The following DOCK11 variants were observed in gnomAD, a reference collection of about 807,000 sequenced individuals.
DOCK11 encodes the protein dedicator of cytokinesis 11.
DOCK11 carries 70 observed loss-of-function variants against 169.1 expected under a neutral mutation model. That is an observed-to-expected ratio of 0.41 (90% confidence interval 0.34 to 0.51). The LOEUF (loss-of-function observed/expected upper bound fraction) is 0.51. Among genes scored for constraint, DOCK11 ranks in the 20% least tolerant of loss-of-function variants. DOCK11 has a pLI of 0.10. For missense variants in DOCK11, 1,166 were observed against 1,538.8 expected (o/e 0.76, Z 4.05); for synonymous variants, 529 against 541.3 (o/e 0.98, Z 0.32).
chrX:118,532,062 A>G (rs972799945), intron 1 of DOCK11, among the ~76,000 whole-genome samples: 1 of 109,609 alleles, frequency 9.1e-6, no homozygotes, highest in East Asian at 2.8e-4. Context: ...AAAGAAGAAT[A>G]TAAAGATTAT....
intron 18 of DOCK11, among the ~76,000 whole-genome samples, chrX:118,589,669 C>G (rs1569424013): frequency 8.9e-6 from 1 of 111,928 alleles, no homozygotes. Flanking sequence ...TAAAATGTGG[C>G]TCATAAAGTG....
chrX:118,499,718 C>T (rs578092635), intron 1 of DOCK11, among the ~76,000 whole-genome samples: 3 of 112,224 alleles, frequency 2.7e-5, no homozygotes, highest in Non-Finnish European at 5.6e-5. Context: ...TCAACTTGGG[C>T]TTCTTGACCA....
At chrX:118,543,465 T>C in intron 3 of DOCK11, 46 bp from the exon 4 acceptor site, 5 of 1,047,609 alleles carry the variant, frequency 4.8e-6, no homozygotes, top group Non-Finnish European at 6.7e-6. Flanking sequence ...TGGATATATA[T>C]GTACTTTTCC....
At chrX:118,539,355 T>C (rs1350399647) in intron 1 of DOCK11, among the ~76,000 whole-genome samples, 1 of 111,603 alleles carries the variant, frequency 9.0e-6, no homozygotes, top group Non-Finnish European at 1.9e-5. Context: ...AAATACTGCA[T>C]GATCTCACTT....
In DOCK11 at chrX:118,662,642, T is replaced by G. The variant is rs1310047416; in HGVS notation, c.4970-44T>G. ...GTAAGGCTCACTGTTATTTACTAAA[T>G]GCTTTCTCATAAATTCACTCCACTG... On this transcript the variant is annotated intron_variant, in intron 44 of 52. Transcript: ENST00000276202. 6.6e-6 allele frequency: 5 copies of G among 762,227 alleles called. No individual in the cohort carries two copies. In the African/African-American group the frequency reaches 1.0e-4, roughly 16 times the overall value. 62.8% of individuals were successfully genotyped at this position (762,227 alleles called of 1,213,427 possible).
At chrX:118,628,753 C>G (rs1401895028) in intron 34 of DOCK11, among the ~76,000 whole-genome samples, 2 of 112,616 alleles carry the variant, frequency 1.8e-5, no homozygotes, top group Non-Finnish European at 3.8e-5. Context: ...CGTTTCACGC[C>G]TACCATTAAA....
chrX:118,535,304 C>T (rs1279778619), intron 1 of DOCK11, among the ~76,000 whole-genome samples: 1 of 111,781 alleles, frequency 8.9e-6, no homozygotes. Context: ...GACACTGGAC[C>T]TGCCTAAGCC....
chrX:118,591,066 G>T (rs1364717418), intron 19 of DOCK11, among the ~76,000 whole-genome samples: 1 of 112,186 alleles, frequency 8.9e-6, no homozygotes, highest in Non-Finnish European at 1.9e-5. Context: ...ACCTGGATGG[G>T]CATCCCAGCC....
intron 49 of DOCK11, 104 bp from the exon 50 acceptor site, chrX:118,680,954 A>G (rs2016729174): frequency 3.8e-6 from 3 of 781,456 alleles, no homozygotes; most frequent in South Asian, 3.0e-5. Flanking sequence ...CATCTTCTAG[A>G]TAAAGGATGG....
At chrX:118,569,763 T>C (rs2013217248) in intron 10 of DOCK11, among the ~76,000 whole-genome samples, 1 of 108,987 alleles carries the variant, frequency 9.2e-6, no homozygotes, top group African/African-American at 3.4e-5. Flanking sequence ...AAAGTAACAG[T>C]ATAATGGGCC....
At chrX:118,673,498 G>C (rs918934379) in intron 46 of DOCK11, among the ~76,000 whole-genome samples, 1 of 111,504 alleles carries the variant, frequency 9.0e-6, no homozygotes, top group Non-Finnish European at 1.9e-5. Flanking sequence ...GTAGAACACT[G>C]ATGCATACTT....
At chrX:118,506,420 C>A (rs1290082440) in intron 1 of DOCK11, among the ~76,000 whole-genome samples, 1 of 111,891 alleles carries the variant, frequency 8.9e-6, no homozygotes. Context: ...ATTCCCAGCA[C>A]TTTGAGAGGC....
At chrX:118,600,401 T>A (rs1386193613) in intron 23 of DOCK11, among the ~76,000 whole-genome samples, 2 of 92,692 alleles carry the variant, frequency 2.2e-5, no homozygotes, top group African/African-American at 7.6e-5. Flanking sequence ...GTTTGTTTTC[T>A]TTTTTTTTAA....
intron 1 of DOCK11, among the ~76,000 whole-genome samples, chrX:118,516,202 C>T (rs1362562065): frequency 9.2e-5 from 9 of 98,285 alleles, no homozygotes; most frequent in African/African-American, 3.5e-4. Flanking sequence ...ACGCCATTCT[C>T]CTGCCTCAGC....
At chrX:118,511,460 A>G (rs2057650695) in intron 1 of DOCK11, among the ~76,000 whole-genome samples, 1 of 112,431 alleles carries the variant, frequency 8.9e-6, no homozygotes, top group Non-Finnish European at 1.9e-5. Context: ...GTGAAAGGGT[A>G]TTAACTGTAG....
At chrX:118,539,012 C>G (rs1350922720) in intron 1 of DOCK11, among the ~76,000 whole-genome samples, 1 of 111,301 alleles carries the variant, frequency 9.0e-6, no homozygotes, top group African/African-American at 3.3e-5. Context: ...AGGGTTCAGT[C>G]CCTTCTCATC....
At chrX:118,621,417 A>T (rs2014968769) in intron 31 of DOCK11, among the ~76,000 whole-genome samples, 1 of 111,493 alleles carries the variant, frequency 9.0e-6, no homozygotes, top group African/African-American at 3.3e-5. Context: ...AGGGAGCCTT[A>T]AGCCCTCATA....
chrX:118,663,674 C>CT (rs751159854), intron 45 of DOCK11, among the ~76,000 whole-genome samples: 8,115 of 59,973 alleles, frequency 0.14, 807 homozygotes, highest in African/African-American at 0.29. Flanking sequence ...GCATCAAAGT[C>CT]TTTTTTTTTT....
At chrX:118,637,139 G>T (rs2015411543) in intron 36 of DOCK11, among the ~76,000 whole-genome samples, 1 of 111,686 alleles carries the variant, frequency 9.0e-6, no homozygotes, top group Non-Finnish European at 1.9e-5. Context: ...CAGCAGTTAA[G>T]ATTTTTTTTT....
Sources: allele counts gnomAD v4.1 joint callset (sites outside exome capture counted in the v4.1 genomes callset), GRCh38; gene constraint gnomAD v4.1.1; transcripts MANE v1.5; gene names NCBI Gene and HGNC (gene_info 2026-07-23, HGNC 2026-07-21).